FBXL17: variants seen among roughly 807,000 people sequenced by gnomAD.
FBXL17 encodes F-box and leucine rich repeat protein 17.
Under a neutral mutation model 66.2 loss-of-function variants are expected in FBXL17, and 22 were observed. That is an observed-to-expected ratio of 0.33 (90% CI 0.24 to 0.47). The LOEUF is 0.47. Among genes scored for constraint, FBXL17 ranks in the 20% least tolerant of loss-of-function variants. The pLI is 1.00. For missense variants in FBXL17, 878 were observed against 948.2 expected (o/e 0.93, Z 0.97); for synonymous variants, 474 against 400.5 (o/e 1.18, Z -2.19).
chr5:108,151,877 A>G (rs530525285), intron 6 of FBXL17, among the ~76,000 whole-genome samples: 1 of 152,336 alleles, frequency 6.6e-6, no homozygotes, highest in South Asian at 2.1e-4. Flanking sequence ...AAGAACTTTG[A>G]TATCAAAGGC....
Position 108,380,986 on chromosome 5 carries a change from C to G in FBXL17, c.706G>C (p.Gly236Arg). Residue 236 changes from glycine to arginine, a missense_variant, in exon 1 of 9, where the codon GGC becomes CGC. Physicochemically the swap from Gly to Arg is moderately radical, Grantham distance 125 (BLOSUM62 -2). Transcript: ENST00000542267. The stretch of plus-strand genomic sequence containing the variant: ...TCGGGGGGCCGGGGCGGCGAAGCGC[C>G]TCCCCCCGCAGGCCCTCCCCCGCCA... ...GGGGGGPAGGGASPPRPPDAG... is the reference protein window; with the variant it reads ...GGGGGGPAGGRASPPRPPDAG... 4 of 1,212,672 alleles carry G rather than the reference C, an allele frequency of 3.3e-6. No individual in the cohort carries two copies. Among genetic ancestry groups the G allele is most frequent in the Non-Finnish European group, 4.1e-6 (4 of 975,426 alleles). The allele number at this position is 1,212,672 out of a possible 1,614,324, so 75.1% of individuals were successfully genotyped here.
Position 107,859,805 on chromosome 5 carries a change from A to G in FBXL17, c.*1915T>C, listed in dbSNP as rs1234091672. On this transcript the variant is annotated 3_prime_UTR_variant, in exon 9 of 9. Transcript: ENST00000542267. ...AATTAAACTTTTGCATATTCACTCA[A>G]GCTACTATTACTATACATACTGTCT... 1 of 152,144 alleles carries G rather than the reference A, an allele frequency of 6.6e-6. No individual in the cohort carries two copies. Among genetic ancestry groups the G allele is most frequent in the African/African-American group, 2.4e-5 (1 of 41,434 alleles). 9.4% of individuals were successfully genotyped at this position (152,144 alleles called of 1,614,324 possible).
intron 4 of FBXL17, among the ~76,000 whole-genome samples, chr5:108,309,923 T>A (rs1353070462): frequency 6.6e-6 from 1 of 152,152 alleles, no homozygotes; most frequent in Non-Finnish European, 1.5e-5. Context: ...AGAAATATTC[T>A]ATATTCAATA....
In FBXL17 at chr5:108,180,148, G is replaced by T. The variant is rs532739879; in HGVS notation, c.1745+5969C>A. 5.3e-5 allele frequency among the ~76,000 whole-genome samples: 8 copies of T among 152,264 alleles called. No individual in the cohort carries two copies. In the East Asian group the frequency reaches 1.5e-3, roughly 29 times the overall value. On this transcript the variant is annotated intron_variant, in intron 6 of 8. Coordinates refer to ENST00000542267, the MANE Select transcript of FBXL17 (RefSeq NM_001163315.3). ...TGTATATGCCAAACAAAACAGCTTT[G>T]TGGACTAGACTCAGCTGTGGCCCAG...
At chr5:108,318,295 C>A (rs1759464993) in intron 4 of FBXL17, among the ~76,000 whole-genome samples, 1 of 151,668 alleles carries the variant, frequency 6.6e-6, no homozygotes, top group Non-Finnish European at 1.5e-5. Flanking sequence ...TTTACCTTTG[C>A]TATGTCTTCA....
At chr5:108,227,071 A>C (rs1291416615) in intron 4 of FBXL17, among the ~76,000 whole-genome samples, 3 of 152,208 alleles carry the variant, frequency 2.0e-5, no homozygotes, top group Non-Finnish European at 4.4e-5. Flanking sequence ...AGACAGACGT[A>C]CAGACAATAT....
intron 8 of FBXL17, chr5:107,879,685 G>A: frequency 1.2e-5 from 12 of 985,430 alleles, no homozygotes; most frequent in Non-Finnish European, 1.4e-5. Context: ...GAAGATGCAT[G>A]CCCTTTGAAT....
intron 7 of FBXL17, among the ~76,000 whole-genome samples, chr5:107,965,709 AC>A (rs1752101809): frequency 6.6e-6 from 1 of 152,174 alleles, no homozygotes; most frequent in South Asian, 2.1e-4. Context: ...GAAAAATTAT[AC>A]ATGGAGGTAT....
intron 7 of FBXL17, among the ~76,000 whole-genome samples, chr5:107,961,187 CTTTCTTTCTTTT>C (rs1280635128): frequency 1.3e-5 from 2 of 151,728 alleles, no homozygotes; most frequent in African/African-American, 4.8e-5. Context: ...CTTTTCTTTT[CTTTCTTTCTTTT>C]TTTCTTTTTC....
intron 6 of FBXL17, among the ~76,000 whole-genome samples, chr5:108,124,898 C>A (rs1323000638): frequency 1.3e-5 from 2 of 151,848 alleles, no homozygotes; most frequent in Non-Finnish European, 2.9e-5. Flanking sequence ...GCTAACATAG[C>A]TTTACAACTT....
chr5:107,896,799 A>G (rs1223786192), intron 7 of FBXL17, among the ~76,000 whole-genome samples: 1 of 152,138 alleles, frequency 6.6e-6, no homozygotes. Context: ...TGAAAATAAG[A>G]AAAGAGAATT....
chr5:108,364,893 A>C lies in FBXL17; in HGVS notation c.1219T>G (p.Leu407Val). ...RSMSDNGVCV[L>V]AFKCPGLLRY... ...AGAAGTCCAGGACATTTAAATGCTA[A>C]AACACATACGCCATTATCAGACATA... The change falls in exon 3 of 9, where the codon TTA (leucine) becomes GTA (valine). Residue 407 changes from leucine to valine, a missense_variant. Around this residue, in one of 4 missense-constraint regions of FBXL17, gnomAD observed 236 missense variants for 389.1 expected, o/e 0.61. Coordinates refer to ENST00000542267, the MANE Select transcript of FBXL17 (RefSeq NM_001163315.3). 1 of 1,613,108 alleles carries C rather than the reference A, an allele frequency of 6.2e-7. No individual in the cohort carries two copies. The highest frequency in any genetic ancestry group is 8.5e-7 in the Non-Finnish European group (1 of 1,179,300).
intron 7 of FBXL17, among the ~76,000 whole-genome samples, chr5:107,960,736 C>G (rs1751868683): frequency 6.6e-6 from 1 of 152,162 alleles, no homozygotes; most frequent in South Asian, 2.1e-4. Flanking sequence ...GGTCTAACTA[C>G]AACTACTACT....
intron 4 of FBXL17, among the ~76,000 whole-genome samples, chr5:108,263,910 T>C (rs1580711374): frequency 6.6e-6 from 1 of 152,130 alleles, no homozygotes; most frequent in South Asian, 2.1e-4. Flanking sequence ...AAGTATTTGC[T>C]TCTTTTAAAG....
chr5:107,989,958 G>A (rs1275302247), intron 7 of FBXL17, among the ~76,000 whole-genome samples: 1 of 152,156 alleles, frequency 6.6e-6, no homozygotes, highest in Non-Finnish European at 1.5e-5. Flanking sequence ...AGAAAGCTGT[G>A]AAGTTCTTTT....
intron 3 of FBXL17, among the ~76,000 whole-genome samples, chr5:108,356,557 G>A (rs1012008343): frequency 2.0e-5 from 3 of 151,978 alleles, no homozygotes; most frequent in Non-Finnish European, 4.4e-5. Context: ...ACTAAGTGAA[G>A]GAATCCAATC....
intron 7 of FBXL17, among the ~76,000 whole-genome samples, chr5:107,920,045 TACTTAAA>T (rs1032773347): frequency 6.6e-6 from 1 of 152,216 alleles, no homozygotes; most frequent in African/African-American, 2.4e-5. Flanking sequence ...GCAAAATGCA[TACTTAAA>T]ACTTAAGCAA....
chr5:108,265,437 T>C (rs573933705), intron 4 of FBXL17, among the ~76,000 whole-genome samples: 26 of 152,268 alleles, frequency 1.7e-4, no homozygotes, highest in African/African-American at 6.3e-4. Context: ...TCCCATAATA[T>C]TAGATCTAGA....
chr5:108,370,195 T>TGTTTA (rs1748934040), intron 1 of FBXL17, among the ~76,000 whole-genome samples: 1 of 152,124 alleles, frequency 6.6e-6, no homozygotes, highest in Admixed American at 6.5e-5. Context: ...AGCTACGAAT[T>TGTTTA]GTTTTGTTTT....
Sources: allele counts gnomAD v4.1 joint callset (sites outside exome capture counted in the v4.1 genomes callset), GRCh38; gene constraint gnomAD v4.1.1; regional missense constraint gnomAD v4.1.1; transcripts MANE v1.5; gene names NCBI Gene and HGNC (gene_info 2026-07-23, HGNC 2026-07-21).